The following UBA6 variants were observed in gnomAD, a reference collection of about 807,000 sequenced individuals.
UBA6 encodes the protein ubiquitin like modifier activating enzyme 6.
A neutral mutation model predicts 148.3 loss-of-function variants in UBA6; 87 were observed. The ratio of observed to expected loss-of-function variants is 0.59; its 90% CI spans 0.49 to 0.70. The LOEUF is 0.70. Ranked by LOEUF, UBA6 falls within the 30% of genes least tolerant of loss-of-function variation. The pLI, the probability that UBA6 is intolerant of heterozygous loss-of-function variation, is 0.00. For synonymous variants in UBA6, 376 were observed against 401.0 expected (o/e 0.94, Z 0.75); for missense variants, 1,186 against 1,241.2 (o/e 0.96, Z 0.67).
chr4:67,633,531 C>A lies in UBA6; in HGVS notation c.2014-58G>T, dbSNP rs900139738. 5 of 1,458,430 alleles carry A rather than the reference C, an allele frequency of 3.4e-6. No individual in the cohort carries two copies. The African/African-American group carries it at 7.2e-5, about 21-fold the overall frequency. The allele number at this position is 1,458,430 out of a possible 1,614,324, so 90.3% of individuals were successfully genotyped here. A position where few individuals can be genotyped will look rare whatever the true frequency, so the allele number is the denominator to read the frequency against. On this transcript the variant is annotated intron_variant, in intron 22 of 32. Coordinates refer to ENST00000322244, the MANE Select transcript of UBA6 (RefSeq NM_018227.6). Reference sequence around the variant, plus strand: ...CTTCCAATTACAAACATATACACATCCCTCACCAAAAGTTAGCCTAAGTTT... The same window carrying A: ...CTTCCAATTACAAACATATACACATACCTCACCAAAAGTTAGCCTAAGTTT...
chr4:67,659,655 T>TTTTATATAG (rs1729800128), intron 13 of UBA6, among the ~76,000 whole-genome samples: 2 of 13,064 alleles, frequency 1.5e-4, no homozygotes, highest in Non-Finnish European at 3.6e-4. Flanking sequence ...ATATAGCATA[T>TTTTATATAG]GCAGTGTGAC....
Position 67,649,112 on chromosome 4 carries a change from C to T in UBA6, c.1204G>A (p.Val402Ile). 6.2e-7 allele frequency: 1 copy of T among 1,614,116 alleles called. No individual in the cohort carries two copies. The highest frequency in any genetic ancestry group is 1.3e-5 in the African/African-American group (1 of 75,046). The change falls in exon 14 of 33, where the codon GTA (valine) becomes ATA (isoleucine). Residue 402 changes from valine (V) to isoleucine (I), a missense_variant. Val to Ile is a conservative substitution (Grantham distance 29, BLOSUM62 3). Coordinates refer to ENST00000322244, the MANE Select transcript of UBA6 (RefSeq NM_018227.6). ...AATTTTCCTGTTACAGCTTTCAATA[C>T]TTCTTGGCTGGCAACACCTCCTACT... ...AAVGGVASQE[V>I]LKAVTGKFSP...
rs1028410063 is a variant in UBA6, at chr4:67,617,658, T to C, written c.*1339A>G. 2.6e-5 allele frequency: 4 copies of C among 152,080 alleles called. No individual in the cohort carries two copies. The highest frequency in any genetic ancestry group is 4.4e-5 in the Non-Finnish European group (3 of 67,954). The allele number at this position is 152,080 out of a possible 1,614,324, so 9.4% of individuals were successfully genotyped here. A position where few individuals can be genotyped will look rare whatever the true frequency, so the allele number is the denominator to read the frequency against. The stretch of plus-strand genomic sequence containing the variant: ...ATAAAAAGAAAGTAGGTATAATACA[T>C]AGTGTAAAAGATACCAAATTGGAGT... On this transcript the variant is annotated 3_prime_UTR_variant, in exon 33 of 33. Coordinates refer to ENST00000322244, the MANE Select transcript of UBA6 (RefSeq NM_018227.6).
chr4:67,650,870 GA>G (rs1729539069), intron 13 of UBA6, among the ~76,000 whole-genome samples: 1 of 152,134 alleles, frequency 6.6e-6, no homozygotes, highest in African/African-American at 2.4e-5. Flanking sequence ...AAAGAGGGGA[GA>G]CATTCTTTGA....
At chr4:67,621,778 C>A (rs866813310) in intron 32 of UBA6, among the ~76,000 whole-genome samples, 1 of 152,264 alleles carries the variant, frequency 6.6e-6, no homozygotes, top group Middle Eastern at 3.4e-3. Context: ...GCAATCCAGC[C>A]TAGGCGACAC....
intron 27 of UBA6, among the ~76,000 whole-genome samples, chr4:67,628,099 G>A (rs1728912496): frequency 6.6e-6 from 1 of 151,538 alleles, no homozygotes; most frequent in Non-Finnish European, 1.5e-5. Context: ...GATACATTAA[G>A]CAGATTAACA....
At chr4:67,682,234 A>G in intron 2 of UBA6, 21 bp from the exon 3 acceptor site, 1 of 1,577,360 alleles carries the variant, frequency 6.3e-7, no homozygotes, top group Non-Finnish European at 8.7e-7. Flanking sequence ...AACACAATAA[A>G]AAACAAAAAA....
intron 27 of UBA6, among the ~76,000 whole-genome samples, chr4:67,627,149 A>G (rs1466337161): frequency 1.3e-5 from 2 of 152,000 alleles, no homozygotes; most frequent in Non-Finnish European, 2.9e-5. Flanking sequence ...ACGGAAATTA[A>G]TATTCTCAAA....
In UBA6 at chr4:67,641,161, T is replaced by C; in HGVS notation, c.1544A>G (p.His515Arg). The C allele has an allele frequency of 6.3e-7, 1 of 1,591,926 alleles. No individual in the cohort carries two copies. Among genetic ancestry groups the C allele is most frequent in the South Asian group, 1.1e-5 (1 of 87,598 alleles). Residue 515 changes from histidine (H) to arginine (R), a missense_variant, in exon 18 of 33, where the codon CAT becomes CGT. Physicochemically the swap from His to Arg is conservative, Grantham distance 29 (BLOSUM62 0). Coordinates refer to ENST00000322244, the MANE Select transcript of UBA6 (RefSeq NM_018227.6). ...AGAATAGCAACATACCTGTATGTGA[T>C]GAGGACGAAATAGGAACTGTCTATT... ...NLNRQFLFRP[H>R]HIQKPKSYTA...
chr4:67,637,463 T>G (rs547187112), intron 19 of UBA6, among the ~76,000 whole-genome samples: 2 of 152,270 alleles, frequency 1.3e-5, no homozygotes, highest in Admixed American at 1.3e-4. Flanking sequence ...GAACGGGCCA[T>G]GATGACGATG....
rs1728786958 is a variant in UBA6 at position 67,623,080 on chromosome 4, A to C, written c.2928+55T>G. 18 of 1,459,956 alleles carry C rather than the reference A, an allele frequency of 1.2e-5. No homozygotes were observed. In the South Asian group the frequency reaches 2.1e-4, roughly 17 times the overall value. The allele number at this position is 1,459,956 out of a possible 1,614,324, so 90.4% of individuals were successfully genotyped here. ...TCCAATAAAATTATAAATAAAAACA[A>C]AACAGAAACCAGACATAAAGCTACT... On this transcript the variant is annotated intron_variant, in intron 31 of 32. Coordinates refer to ENST00000322244, the MANE Select transcript of UBA6 (RefSeq NM_018227.6).
At position 67,614,608 on chromosome 4, in the gene UBA6, C is replaced by G. The variant is rs1185949274; in HGVS notation, c.*4389G>C. On this transcript the variant is annotated 3_prime_UTR_variant, in exon 33 of 33. Coordinates refer to ENST00000322244, the MANE Select transcript of UBA6 (RefSeq NM_018227.6). ...AAAAATTTAAATATGAAAGGCAAAACTAAAGCTTTAAGAAGACGATATATA... is the reference window on the plus strand; with the variant it reads ...AAAAATTTAAATATGAAAGGCAAAAGTAAAGCTTTAAGAAGACGATATATA... 1 of 152,130 alleles carries G rather than the reference C, an allele frequency of 6.6e-6. No individual in the cohort carries two copies. Among genetic ancestry groups the G allele is most frequent in the Non-Finnish European group, 1.5e-5 (1 of 68,004 alleles). The allele number at this position is 152,130 out of a possible 1,614,324, so 9.4% of individuals were successfully genotyped here.
chr4:67,663,287 T>A, intron 11 of UBA6, 72 bp from the exon 12 acceptor site: 2 of 934,438 alleles, frequency 2.1e-6, no homozygotes, highest in East Asian at 2.5e-5. Context: ...GCTAAATACT[T>A]TTAAAACATT....
At chr4:67,676,646 A>C (rs1351286058) in intron 6 of UBA6, among the ~76,000 whole-genome samples, 1 of 152,150 alleles carries the variant, frequency 6.6e-6, no homozygotes, top group Non-Finnish European at 1.5e-5. Context: ...ATTCCCAAGA[A>C]CTTTGGTTAC....
Position 67,679,527 on chromosome 4 carries a change from C to T in UBA6, c.259-994G>A, listed in dbSNP as rs114440614. The stretch of plus-strand genomic sequence containing the variant: ...CTTTTAAAAGCAGTTAATTTGCCTG[C>T]CAAATCCAGGTAGGATCAAAAAACT... On this transcript the variant is annotated intron_variant, in intron 4 of 32. Transcript: ENST00000322244. Among the ~76,000 whole-genome samples, 316 of 152,000 alleles carry T rather than the reference C, an allele frequency of 2.1e-3. 2 individuals carry two copies. Among genetic ancestry groups the T allele is most frequent in the African/African-American group, 7.1e-3 (296 of 41,462 alleles).
chr4:67,701,014 G>A, intron 1 of UBA6, 35 bp downstream of exon 1: 1 of 1,611,024 alleles, frequency 6.2e-7, no homozygotes, highest in Admixed American at 1.7e-5. Flanking sequence ...GGTCCCACCC[G>A]CGACCCCTCA....
rs780862547 is a variant in UBA6, at chr4:67,619,029, C to G, written c.3127G>C (p.Val1043Leu). The G allele has an allele frequency of 6.2e-7, 1 of 1,613,992 alleles. No homozygotes were observed. Among genetic ancestry groups the G allele is most frequent in the Non-Finnish European group, 8.5e-7 (1 of 1,179,914 alleles). Residue 1043 changes from valine to leucine, a missense_variant, in exon 33 of 33, where the codon GTA becomes CTA. Physicochemically the swap from Val to Leu is conservative, Grantham distance 32. Transcript: ENST00000322244. Reference protein sequence around the residue: ...DGDEDLPGPPVRYYFSHDTD With the variant: ...DGDEDLPGPPLRYYFSHDTD ...GTGTCATGACTGAAGTAGTATCTTA[C>G]TGGAGGTCCCGGCAAATCTTCATCT...
chr4:67,646,199 G>T (rs1437026370), intron 15 of UBA6, among the ~76,000 whole-genome samples, 183 bp from the exon 16 acceptor site: 1 of 151,990 alleles, frequency 6.6e-6, no homozygotes, highest in Non-Finnish European at 1.5e-5. Context: ...TTTCCACTTG[G>T]CTTAATAGTC....
rs1346233175 is a variant in UBA6 at position 67,635,503 on chromosome 4, C to T, written c.1792G>A (p.Gly598Arg). ...TGCGGTACAATAACTTCAGTGTGTC[C>T]CTTAGTGCCCATTGTTCCAGAATCT... ...LLDSGTMGTK[G>R]HTEVIVPHLT... The change falls in exon 20 of 33, where the codon GGA becomes AGA. Residue 598 changes from glycine (G) to arginine (R), a missense_variant. Gly to Arg is a moderately radical substitution (Grantham distance 125). Coordinates refer to ENST00000322244, the MANE Select transcript of UBA6 (RefSeq NM_018227.6). The T allele has an allele frequency of 1.2e-6, 2 of 1,612,746 alleles. No homozygotes were observed. The highest frequency in any genetic ancestry group is 1.7e-5 in the Admixed American group (1 of 59,984).
Sources: gnomAD v4.1 joint callset for allele counts (sites outside exome capture counted in the v4.1 genomes callset) on GRCh38, gnomAD v4.1.1 for gene constraint, MANE v1.5 for transcripts, NCBI Gene and HGNC (gene_info 2026-07-23, HGNC 2026-07-21) for gene names.